FGF14: variants seen among roughly 807,000 people sequenced by gnomAD.
FGF14 encodes fibroblast growth factor homologous factor 4.
Under a neutral mutation model 25.5 loss-of-function variants are expected in FGF14, and 5 were observed. The ratio of observed to expected loss-of-function variants is 0.20; its 90% CI spans 0.10 to 0.41. The LOEUF (loss-of-function observed/expected upper bound fraction) is 0.41. FGF14 is among the 10% of genes least tolerant of loss of function. FGF14 has a pLI of 1.00. For synonymous variants in FGF14, 138 were observed against 118.3 expected (o/e 1.17, Z -1.08); for missense variants, 222 against 320.1 (o/e 0.69, Z 2.34).
At chr13:102,337,773 T>C (rs1235026637) in intron 1 of FGF14, among the ~76,000 whole-genome samples, 1 of 152,142 alleles carries the variant, frequency 6.6e-6, no homozygotes, top group African/African-American at 2.4e-5. Context: ...GCCATCAACA[T>C]AAAGGCGAGA....
At chr13:102,105,282 T>A (rs899537815) in intron 1 of FGF14, among the ~76,000 whole-genome samples, 14 of 152,208 alleles carry the variant, frequency 9.2e-5, no homozygotes, top group Non-Finnish European at 2.1e-4. Flanking sequence ...CTTATTTTTT[T>A]AAGAGAAAAG....
intron 1 of FGF14, among the ~76,000 whole-genome samples, chr13:102,375,979 T>A (rs1230084796): frequency 6.6e-6 from 1 of 152,162 alleles, no homozygotes; most frequent in Non-Finnish European, 1.5e-5. Flanking sequence ...ATCTCCACAT[T>A]GACATCGAAA....
At chr13:102,170,062 C>T (rs1435132179) in intron 1 of FGF14, among the ~76,000 whole-genome samples, 1 of 152,036 alleles carries the variant, frequency 6.6e-6, no homozygotes, top group Non-Finnish European at 1.5e-5. Context: ...GGGCAAAGTC[C>T]TTGTCTTCAT....
intron 1 of FGF14, among the ~76,000 whole-genome samples, chr13:102,175,161 A>G (rs2140707092): frequency 6.6e-6 from 1 of 152,290 alleles, no homozygotes; most frequent in South Asian, 2.1e-4. Context: ...AAAAAGAACA[A>G]AACTGGAGCA....
At chr13:101,878,253 C>G (rs760682346) in intron 1 of FGF14, among the ~76,000 whole-genome samples, 2 of 152,294 alleles carry the variant, frequency 1.3e-5, no homozygotes, top group Admixed American at 6.5e-5. Context: ...TAAAATGCCC[C>G]TTTGCACATC....
At chr13:102,094,058 A>G (rs182353252) in intron 1 of FGF14, among the ~76,000 whole-genome samples, 1 of 149,976 alleles carries the variant, frequency 6.7e-6, no homozygotes, top group East Asian at 2.0e-4. Context: ...TGAAGGATCT[A>G]AAGCTAAAAA....
intron 1 of FGF14, among the ~76,000 whole-genome samples, chr13:101,983,998 A>C (rs2038418729): frequency 6.6e-6 from 1 of 152,182 alleles, no homozygotes; most frequent in Admixed American, 6.6e-5. Flanking sequence ...TGAATTCAAA[A>C]TCCAGGTTTT....
At chr13:102,052,714 C>T (rs1408681332) in intron 1 of FGF14, among the ~76,000 whole-genome samples, 1 of 151,886 alleles carries the variant, frequency 6.6e-6, no homozygotes, top group Non-Finnish European at 1.5e-5. Flanking sequence ...GAGAAGCAGA[C>T]TTTTTCAGAC....
chr13:102,069,449 T>C (rs868096599), intron 1 of FGF14, among the ~76,000 whole-genome samples: 3 of 152,200 alleles, frequency 2.0e-5, no homozygotes, highest in Non-Finnish European at 4.4e-5. Flanking sequence ...CCTTCCACAC[T>C]GTGAAAGCTT....
At chr13:102,192,527 T>C (rs1431967516) in intron 1 of FGF14, among the ~76,000 whole-genome samples, 1 of 152,132 alleles carries the variant, frequency 6.6e-6, no homozygotes, top group Non-Finnish European at 1.5e-5. Flanking sequence ...TGCTTAACAA[T>C]TTCTTCTTCA....
At chr13:102,161,630 A>AT (rs2047709396) in intron 1 of FGF14, among the ~76,000 whole-genome samples, 1 of 9,136 alleles carries the variant, frequency 1.1e-4, no homozygotes. Context: ...AAGAAGAAGA[A>AT]GAAGAAGAAG....
intron 3 of FGF14, among the ~76,000 whole-genome samples, chr13:101,855,182 A>G (rs2044061261): frequency 6.6e-6 from 1 of 152,022 alleles, no homozygotes; most frequent in Non-Finnish European, 1.5e-5. Context: ...CGTGACATTA[A>G]TGATAATAAT....
intron 1 of FGF14, among the ~76,000 whole-genome samples, chr13:102,361,082 G>A (rs1000980627): frequency 4.6e-5 from 7 of 152,044 alleles, no homozygotes; most frequent in Non-Finnish European, 1.0e-4. Flanking sequence ...CTAAGCAAAT[G>A]GTATCTCAGT....
At chr13:102,036,248 G>C (rs1431735931) in intron 1 of FGF14, among the ~76,000 whole-genome samples, 3 of 152,106 alleles carry the variant, frequency 2.0e-5, no homozygotes, top group Non-Finnish European at 2.9e-5. Context: ...ACATCAAAAT[G>C]ACTAGTGGGA....
intron 1 of FGF14, among the ~76,000 whole-genome samples, chr13:102,029,875 C>T (rs1464310825): frequency 1.3e-5 from 2 of 151,986 alleles, no homozygotes; most frequent in Middle Eastern, 3.2e-3. Context: ...GTGTCTTGTG[C>T]CCCTGTTATG....
At chr13:102,259,403 G>A (rs1018282709) in intron 1 of FGF14, among the ~76,000 whole-genome samples, 3 of 152,066 alleles carry the variant, frequency 2.0e-5, no homozygotes, top group African/African-American at 7.2e-5. Flanking sequence ...TTGAAACAGA[G>A]TCTCATTCTA....
At chr13:102,349,763 T>C (rs1163430001) in intron 1 of FGF14, among the ~76,000 whole-genome samples, 2 of 152,208 alleles carry the variant, frequency 1.3e-5, no homozygotes, top group Non-Finnish European at 2.9e-5. Context: ...TATGAACCCA[T>C]GGGTTTAGGT....
intron 3 of FGF14, among the ~76,000 whole-genome samples, chr13:101,828,536 C>CA (rs2042516514): frequency 6.7e-6 from 1 of 149,646 alleles, no homozygotes; most frequent in South Asian, 2.1e-4. Flanking sequence ...ACCTGATAAT[C>CA]AGTGTTATCA....
upstream of FGF14, among the ~76,000 whole-genome samples, chr13:101,921,718 GT>G (rs979672512): frequency 3.9e-5 from 6 of 152,238 alleles, no homozygotes; most frequent in African/African-American, 1.4e-4. Context: ...GCCTTCAGTT[GT>G]TCTCTGACAT....
Sources: allele counts gnomAD v4.1 joint callset (sites outside exome capture counted in the v4.1 genomes callset), GRCh38; gene constraint gnomAD v4.1.1; transcripts MANE v1.5; gene names NCBI Gene and HGNC (gene_info 2026-07-23, HGNC 2026-07-21).